Variants in WDR44 observed in about 807,000 individuals in gnomAD.
WDR44 encodes WD repeat-containing protein 44.
WDR44 carries 9 observed loss-of-function variants against 65.7 expected under a neutral mutation model. The observed-to-expected ratio is 0.14, with a 90% CI of 0.08 to 0.24. The LOEUF is 0.24. Ranked by LOEUF, WDR44 falls within the 10% of genes least tolerant of loss-of-function variation. The pLI, the probability that WDR44 is intolerant of heterozygous loss-of-function variation, is 1.00. For missense variants in WDR44, 425 were observed against 670.9 expected, an observed-to-expected ratio of 0.63 and a Z score of 4.05; for synonymous variants, 220 against 235.2, an observed-to-expected ratio of 0.94 and a Z score of 0.59.
intron 7 of WDR44, 95 bp from the exon 8 acceptor site, chrX:118,398,292 T>G (rs1255357292): frequency 3.3e-6 from 2 of 611,537 alleles, no homozygotes; most frequent in Non-Finnish European, 5.1e-6. Context: ...GTAGTTTTTC[T>G]TATTCTGATT....
chrX:118,356,306 G>A (rs753783313), intron 1 of WDR44, among the ~76,000 whole-genome samples: 14 of 111,218 alleles, frequency 1.3e-4, no homozygotes, highest in Non-Finnish European at 2.5e-4. Context: ...TATGGTCTTT[G>A]TTCCTAAGGG....
chrX:118,387,456 C>T, intron 3 of WDR44, 42 bp downstream of exon 3: 1 of 980,612 alleles, frequency 1.0e-6, no homozygotes, highest in African/African-American at 1.9e-5. Flanking sequence ...TAGCAGACAT[C>T]ATATTTATAT....
intron 1 of WDR44, among the ~76,000 whole-genome samples, chrX:118,376,287 A>ATT (rs34940836): frequency 9.1e-6 from 1 of 110,346 alleles, no homozygotes; most frequent in Non-Finnish European, 1.9e-5. Context: ...CTCAAAAGTA[A>ATT]TTTTTTTAAC....
chrX:118,357,545 GA>G (rs1305237766), intron 1 of WDR44, among the ~76,000 whole-genome samples: 1 of 111,254 alleles, frequency 9.0e-6, no homozygotes, highest in Non-Finnish European at 1.9e-5. Context: ...AGGTGCTTTA[GA>G]ATGCTAGTTT....
In WDR44 at chrX:118,392,591, A is replaced by G. The variant is rs189016418; in HGVS notation, c.187-41A>G. On this transcript the variant is annotated intron_variant, in intron 3 of 19. Coordinates refer to ENST00000254029, the MANE Select transcript of WDR44 (RefSeq NM_019045.5). ...ATTAGCTGTTACTGTGTTCTTATAA[A>G]TAGCTTCATTTTTAAAAACTACTTT... 525 of 1,101,690 alleles carry G rather than the reference A, an allele frequency of 4.8e-4. 3 individuals are homozygous for G. In the African/African-American group the frequency reaches 8.5e-3, roughly 18 times the overall value. The allele number at this position is 1,101,690 out of a possible 1,213,427, so 90.8% of individuals were successfully genotyped here.
At chrX:118,389,191 A>G (rs1238161979) in intron 3 of WDR44, among the ~76,000 whole-genome samples, 1 of 112,171 alleles carries the variant, frequency 8.9e-6, no homozygotes, top group Non-Finnish European at 1.9e-5. Flanking sequence ...ATGAATCACT[A>G]ATGATAAAGG....
At chrX:118,369,430 C>G (rs1437696633) in intron 1 of WDR44, among the ~76,000 whole-genome samples, 1 of 102,143 alleles carries the variant, frequency 9.8e-6, no homozygotes, top group Non-Finnish European at 2.0e-5. Context: ...CTCGGCCTCC[C>G]AAAGTGCTGG....
intron 12 of WDR44, among the ~76,000 whole-genome samples, chrX:118,418,977 G>A (rs2057080368): frequency 9.0e-6 from 1 of 110,655 alleles, no homozygotes; most frequent in Admixed American, 9.6e-5. Flanking sequence ...AAAGCTGGCA[G>A]TCACAGGCCT....
chrX:118,354,144 A>G (rs918697020), intron 1 of WDR44, among the ~76,000 whole-genome samples: 22 of 111,863 alleles, frequency 2.0e-4, no homozygotes, highest in African/African-American at 6.2e-4. Flanking sequence ...GGCCAGGTAC[A>G]GAAGCTCATG....
intron 19 of WDR44, among the ~76,000 whole-genome samples, chrX:118,447,875 AATATATATATATATATATATATATATAT>A (rs10570740): frequency 9.1e-5 from 5 of 54,789 alleles, no homozygotes; most frequent in South Asian, 1.1e-3. Context: ...CTCTATCTAA[AATATATATATATATATATATATATATAT>A]ATATATATAT....
intron 1 of WDR44, among the ~76,000 whole-genome samples, chrX:118,374,616 T>C (rs1271086940): frequency 8.9e-6 from 1 of 111,897 alleles, no homozygotes; most frequent in Non-Finnish European, 1.9e-5. Flanking sequence ...CAGCTCAATA[T>C]GATATAGCTT....
At chrX:118,425,570 C>A (rs1040232251) in intron 12 of WDR44, among the ~76,000 whole-genome samples, 8 of 110,050 alleles carry the variant, frequency 7.3e-5, no homozygotes, top group Non-Finnish European at 1.5e-4. Context: ...ACCACTTGAA[C>A]CTGGGAGGTG....
At position 118,448,979 on chromosome X, in the gene WDR44, G is replaced by C. The variant is rs1326232719; in HGVS notation, c.2734G>C (p.Val912Leu). 1.7e-6 allele frequency: 2 copies of C among 1,172,131 alleles called. No homozygotes were observed. Among genetic ancestry groups the C allele is most frequent in the African/African-American group, 1.8e-5 (1 of 56,933 alleles). Residue 912 changes from valine to leucine, a missense_variant, in exon 20 of 20, where the codon GTA becomes CTA. Physicochemically the swap from Val to Leu is conservative, Grantham distance 32 (BLOSUM62 1). This residue lies in a region of WDR44 where 37 missense variants were observed against 40.9 expected (regional missense o/e 0.90). Coordinates refer to ENST00000254029, the MANE Select transcript of WDR44 (RefSeq NM_019045.5). Reference sequence around the variant, plus strand: ...AGTGTTTGTTAATAAAAGAAAAAATGTATCTTAATTTGAAATGGCATTTAA... The same window carrying C: ...AGTGTTTGTTAATAAAAGAAAAAATCTATCTTAATTTGAAATGGCATTTAA... Reference protein sequence around the residue: ...IKVFVNKRKNVS With the variant: ...IKVFVNKRKNLS
chrX:118,354,395 G>T lies in WDR44; in HGVS notation c.77+7815G>T, dbSNP rs182667658. Among the ~76,000 whole-genome samples the T allele has an allele frequency of 4.2e-3, 443 of 106,141 alleles. 8 individuals are homozygous for T. Among genetic ancestry groups the T allele is most frequent in the Admixed American group, 0.036 (352 of 9,754 alleles). 92.2% of individuals were successfully genotyped at this position (106,141 alleles called of 115,157 possible). Reference sequence around the variant, plus strand: ...GTCACGCCACTGTACTCTGGCCTGGGCGATGGAGCCAGACTCTGTCTCTTA... The same window carrying T: ...GTCACGCCACTGTACTCTGGCCTGGTCGATGGAGCCAGACTCTGTCTCTTA... On this transcript the variant is annotated intron_variant, in intron 1 of 19. Coordinates refer to ENST00000254029, the MANE Select transcript of WDR44 (RefSeq NM_019045.5).
chrX:118,394,311 C>T, intron 5 of WDR44, 126 bp downstream of exon 5: 1 of 972,209 alleles, frequency 1.0e-6, no homozygotes. Flanking sequence ...GACCCCCTTA[C>T]TTCTCTTGAT....
intron 12 of WDR44, among the ~76,000 whole-genome samples, chrX:118,423,514 C>A (rs2057122896): frequency 1.8e-5 from 2 of 111,709 alleles, no homozygotes; most frequent in Non-Finnish European, 3.8e-5. Flanking sequence ...GATTGGTATT[C>A]AAAAAGCTGT....
chrX:118,368,883 A>AT (rs1183535766), intron 1 of WDR44, among the ~76,000 whole-genome samples: 13 of 102,233 alleles, frequency 1.3e-4, no homozygotes, highest in Admixed American at 3.2e-4. Flanking sequence ...CACCTGGCTA[A>AT]TTTTTTTTTT....
chrX:118,365,277 A>G (rs1188027857), intron 1 of WDR44, among the ~76,000 whole-genome samples: 2 of 111,734 alleles, frequency 1.8e-5, no homozygotes, highest in Non-Finnish European at 3.8e-5. Context: ...TGTCTCTCCC[A>G]TCGTGCATTT....
rs1376536099 is a variant in WDR44, at chrX:118,394,062, A to G, written c.834A>G (p.Lys278=). 1 of 1,206,307 alleles carries G rather than the reference A, an allele frequency of 8.3e-7. No homozygotes were observed. The highest frequency in any genetic ancestry group is 1.1e-6 in the Non-Finnish European group (1 of 892,615). ...TTATTATTATCATTGCAGTTCCCAA[A>G]GAGAATATTACGTCTGATTCTCTCC... ...TLKTPDIDVP[K]ENITSDSLLT... Residue 278 remains lysine (K), a synonymous_variant, in exon 5 of 20, where the codon AAA becomes AAG. Transcript: ENST00000254029.
Sources: gnomAD v4.1 joint callset for allele counts (sites outside exome capture counted in the v4.1 genomes callset) on GRCh38, gnomAD v4.1.1 for gene constraint, gnomAD v4.1.1 regional missense constraint, MANE v1.5 for transcripts, NCBI Gene and HGNC (gene_info 2026-07-23, HGNC 2026-07-21) for gene names.